LGI3: variants seen among roughly 807,000 people sequenced by gnomAD.
LGI3 encodes leucine rich repeat LGI family member 3, also known as leucine-rich repeat LGI family member 3.
Under a neutral mutation model 55.4 loss-of-function variants are expected in LGI3, and 47 were observed. The ratio of observed to expected loss-of-function variants is 0.85; its 90% CI spans 0.67 to 1.08. The LOEUF is 1.08. Ranked by LOEUF, LGI3 falls within the 50% of genes least tolerant of loss-of-function variation. The pLI, the probability that LGI3 is intolerant of heterozygous loss-of-function variation, is 0.00. For synonymous variants in LGI3, 326 were observed against 315.0 expected (o/e 1.04, Z -0.37); for missense variants, 664 against 726.3 (o/e 0.91, Z 0.99).
chr8:22,150,862 T>C (rs1238201506), intron 7 of LGI3, among the ~76,000 whole-genome samples: 1 of 151,772 alleles, frequency 6.6e-6, no homozygotes, highest in African/African-American at 2.4e-5. Flanking sequence ...GTCAATGACC[T>C]GGTACTCATC....
At chr8:22,155,910 G>C (rs148963970) in intron 1 of LGI3, among the ~76,000 whole-genome samples, 2 of 152,368 alleles carry the variant, frequency 1.3e-5, no homozygotes, top group Non-Finnish European at 2.9e-5. Flanking sequence ...TGAGTGCCAA[G>C]TGGCTGGTCA....
Position 22,148,786 on chromosome 8 carries a change from A to G in LGI3, c.1021T>C (p.Trp341Arg), listed in dbSNP as rs1232071581. 1 of 1,614,166 alleles carries G rather than the reference A, an allele frequency of 6.2e-7. No homozygotes were observed. Among genetic ancestry groups the G allele is most frequent in the Non-Finnish European group, 8.5e-7 (1 of 1,180,032 alleles). ...DLEAFRIDGD[W>R]YFAVADSSKA... is the part of the protein sequence containing the mutation. ...GAGCTGTCAGCCACGGCAAAGTACC[A>G]GTCACCGTCGATGCGGAAGGCTTCT... The change falls in exon 8 of 8, where the codon TGG (tryptophan) becomes CGG (arginine). Residue 341 changes from tryptophan (W) to arginine (R), a missense_variant. By Grantham distance (101) the Trp-to-Arg change is moderately radical. Coordinates refer to ENST00000306317, the MANE Select transcript of LGI3 (RefSeq NM_139278.4). This position sits in a 1 kb window ranked among gnomAD's most constrained non-coding sequence, Gnocchi z 7.0.
chr8:22,151,484 G>T lies in LGI3; in HGVS notation c.829+5C>A. The T allele has an allele frequency of 6.2e-7, 1 of 1,613,460 alleles. No homozygotes were observed. On this transcript the variant is annotated splice_donor_5th_base_variant and intron_variant, in intron 7 of 7. Coordinates refer to ENST00000306317, the MANE Select transcript of LGI3 (RefSeq NM_139278.4). ...GGCCAGCAGAACCAGATTGGGCGCAGGTACCTGGGATTCTATCATAGTCTC... is the reference window on the plus strand; with the variant it reads ...GGCCAGCAGAACCAGATTGGGCGCATGTACCTGGGATTCTATCATAGTCTC...
rs1827464745 is a variant in LGI3, at chr8:22,154,743, C to A, written c.279-112G>T. On this transcript the variant is annotated intron_variant, in intron 2 of 7. Coordinates refer to ENST00000306317, the MANE Select transcript of LGI3 (RefSeq NM_139278.4). ...CAAGACATGACTGCCCTGCTGCTAC[C>A]CCTGGGGACCCCATGGGGAATCCCT... The A allele has an allele frequency of 3.8e-6, 3 of 796,756 alleles. No individual in the cohort carries two copies. The South Asian group carries it at 4.4e-5, about 12-fold the overall frequency. 49.4% of individuals were successfully genotyped at this position (796,756 alleles called of 1,614,324 possible). A position where few individuals can be genotyped will look rare whatever the true frequency, so the allele number is the denominator to read the frequency against.
At chr8:22,152,117 C>T (rs975126606) in intron 5 of LGI3, 117 bp from the exon 6 acceptor site, 13 of 744,886 alleles carry the variant, frequency 1.7e-5, no homozygotes, top group Non-Finnish European at 2.8e-5. Context: ...GCAAGTTGCT[C>T]ACATGCATCT....
Position 22,147,961 on chromosome 8 carries a change from G to A in LGI3, c.*199C>T, listed in dbSNP as rs775607925. The A allele has an allele frequency of 3.6e-6, 2 of 558,542 alleles. No homozygotes were observed. Among genetic ancestry groups the A allele is most frequent in the Non-Finnish European group, 3.1e-6 (1 of 317,892 alleles). 34.6% of individuals were successfully genotyped at this position (558,542 alleles called of 1,614,324 possible). A position where few individuals can be genotyped will look rare whatever the true frequency, so the allele number is the denominator to read the frequency against. On this transcript the variant is annotated 3_prime_UTR_variant, in exon 8 of 8. Transcript: ENST00000306317. ...GTTAGGTGTCCCAGGGGTGCCTGGTGTTCATGCTGATTGCAGTGATGATGC... is the reference window on the plus strand; with the variant it reads ...GTTAGGTGTCCCAGGGGTGCCTGGTATTCATGCTGATTGCAGTGATGATGC...
Position 22,156,509 on chromosome 8 carries a change from GC to G in LGI3, c.33del (p.Pro12ArgfsTer58). ...AGCGCGGAGAGCGCCAGCAGCCCCG[GC>G]CCCGGGCCCCCCCTGGCCCGCAGCC... is the stretch of plus-strand genomic sequence containing the variant. Reference protein sequence around the residue: MAGLRARGGPGPGLLALSALG... With the variant: MAGLRARGGPXPGLLALSALG... On this transcript the variant is annotated frameshift_variant, in exon 1 of 8. Coordinates refer to ENST00000306317, the MANE Select transcript of LGI3 (RefSeq NM_139278.4). LOFTEE classifies it high-confidence loss of function. 2 of 1,398,170 alleles carry G rather than the reference GC, an allele frequency of 1.4e-6. No homozygotes were observed. Among genetic ancestry groups the G allele is most frequent in the Non-Finnish European group, 1.9e-6 (2 of 1,076,858 alleles). The allele number at this position is 1,398,170 out of a possible 1,614,324, so 86.6% of individuals were successfully genotyped here.
At position 22,148,128 on chromosome 8, in the gene LGI3, C is replaced by A; in HGVS notation, c.*32G>T. 6.6e-7 allele frequency: 1 copy of A among 1,526,334 alleles called. No individual in the cohort carries two copies. Among genetic ancestry groups the A allele is most frequent in the South Asian group, 1.3e-5 (1 of 77,410 alleles). 94.5% of individuals were successfully genotyped at this position (1,526,334 alleles called of 1,614,324 possible). On this transcript the variant is annotated 3_prime_UTR_variant, in exon 8 of 8. Transcript: ENST00000306317. This position sits in a 1 kb window ranked among gnomAD's most constrained non-coding sequence, Gnocchi z 7.0. ...AGGCCCCCACCCATCCTCCAGTGGC[C>A]ACCCTGAGGAGACCAGAGGCCTCGG...
In LGI3 at chr8:22,156,511, C is replaced by T; in HGVS notation, c.32G>A (p.Gly11Glu). 1 of 1,394,664 alleles carries T rather than the reference C, an allele frequency of 7.2e-7. No homozygotes were observed. The highest frequency in any genetic ancestry group is 9.3e-7 in the Non-Finnish European group (1 of 1,074,892). 86.4% of individuals were successfully genotyped at this position (1,394,664 alleles called of 1,614,324 possible). A position where few individuals can be genotyped will look rare whatever the true frequency, so the allele number is the denominator to read the frequency against. MAGLRARGGP[G>E]PGLLALSALG... ...CGCGGAGAGCGCCAGCAGCCCCGGC[C>T]CCGGGCCCCCCCTGGCCCGCAGCCC... Residue 11 changes from glycine (G) to glutamate (E), a missense_variant, in exon 1 of 8, where the codon GGG (glycine) becomes GAG (glutamate). Physicochemically the swap from Gly to Glu is moderately conservative, Grantham distance 98 (BLOSUM62 -2). Transcript: ENST00000306317.
At chr8:22,153,220 G>A (rs565021938) in intron 5 of LGI3, among the ~76,000 whole-genome samples, 2 of 151,290 alleles carry the variant, frequency 1.3e-5, no homozygotes, top group South Asian at 4.2e-4. Flanking sequence ...AAGTAGCCAG[G>A]ATTACAGGCG....
chr8:22,148,949 C>A lies in LGI3; in HGVS notation c.858G>T (p.Met286Ile). 6.2e-7 allele frequency: 1 copy of A among 1,612,992 alleles called. No homozygotes were observed. Among genetic ancestry groups the A allele is most frequent in the African/African-American group, 1.3e-5 (1 of 75,044 alleles). ...CCACGTACAGCTGGCTGTCCACCAC[C>A]ATCGGCTTGCAGTGCACTGCAGAGG... ...PAPSAVHCKP[M>I]VVDSQLYVVV... The change falls in exon 8 of 8, where the codon ATG becomes ATT. Residue 286 changes from methionine to isoleucine, a missense_variant. Coordinates refer to ENST00000306317, the MANE Select transcript of LGI3 (RefSeq NM_139278.4). The surrounding 1 kb of genome is among the most constrained non-coding windows in gnomAD (Gnocchi z 7.0).
chr8:22,149,043 G>T, intron 7 of LGI3, 66 bp from the exon 8 acceptor site: 1 of 1,194,740 alleles, frequency 8.4e-7, no homozygotes, highest in Non-Finnish European at 1.2e-6. Flanking sequence ...CAACCCCCTT[G>T]GAGAAGGCCA....
At chr8:22,156,144 T>C (rs1017194433) in intron 1 of LGI3, among the ~76,000 whole-genome samples, 193 bp downstream of exon 1, 5 of 152,180 alleles carry the variant, frequency 3.3e-5, no homozygotes, top group Non-Finnish European at 7.4e-5. Flanking sequence ...TCCCCACCCA[T>C]GGCCGCTGAG....
chr8:22,151,718 T>C (rs1827380851), intron 6 of LGI3, 65 bp from the exon 7 acceptor site: 1 of 1,583,374 alleles, frequency 6.3e-7, no homozygotes, highest in Non-Finnish European at 8.6e-7. Context: ...TGGGTGATGG[T>C]GGTTGCTTTA....
Position 22,154,168 on chromosome 8 carries a change from G to A in LGI3, c.396C>T (p.Phe132=), listed in dbSNP as rs1563211568. 1.2e-6 allele frequency: 2 copies of A among 1,614,148 alleles called. No individual in the cohort carries two copies. The highest frequency in any genetic ancestry group is 8.5e-7 in the Non-Finnish European group (1 of 1,180,010). ...NDIWALSKFT[F]RGLKSLTHLS... is the part of the protein sequence containing the mutation. ...GGTGAGTCAAGGACTTGAGTCCTCG[G>A]AAGGTGAACTTGGATAGTGCCCAGA... Residue 132 remains phenylalanine, a synonymous_variant, in exon 4 of 8, where the codon TTC becomes TTT. Transcript: ENST00000306317.
At chr8:22,151,762 GGGTTTCGTGT>G in intron 6 of LGI3, 59 bp downstream of exon 6, 1 of 1,566,812 alleles carries the variant, frequency 6.4e-7, no homozygotes, top group Non-Finnish European at 8.7e-7. Context: ...GCAGGGTGGG[GGGTTTCGTGT>G]CTGTAAAGCT....
rs762190562 is a variant in LGI3 at position 22,148,715 on chromosome 8, G to T, written c.1092C>A (p.Phe364Leu). The T allele has an allele frequency of 6.2e-7, 1 of 1,614,176 alleles. No homozygotes were observed. The highest frequency in any genetic ancestry group is 8.5e-7 in the Non-Finnish European group (1 of 1,180,022). Residue 364 changes from phenylalanine (F) to leucine (L), a missense_variant, in exon 8 of 8, where the codon TTC (phenylalanine) becomes TTA (leucine). Phe to Leu is a conservative substitution (Grantham distance 22, BLOSUM62 0). Transcript: ENST00000306317. The surrounding 1 kb of genome is among the most constrained non-coding windows in gnomAD (Gnocchi z 7.0). ...TSLYRWHQNGFYSHQALHPWH... is the reference protein window; with the variant it reads ...TSLYRWHQNGLYSHQALHPWH... ...AGGGGTGCAGTGCCTGGTGGGAGTA[G>T]AAGCCATTCTGGTGCCAGCGGTAGA...
At chr8:22,151,741 G>C in intron 6 of LGI3, 88 bp from the exon 7 acceptor site, 1 of 1,565,458 alleles carries the variant, frequency 6.4e-7, no homozygotes, top group Non-Finnish European at 8.7e-7. Context: ...GCTGCCGCTG[G>C]GTGTTGTGGG....
intron 7 of LGI3, among the ~76,000 whole-genome samples, chr8:22,149,403 C>G (rs1434933992): frequency 2.6e-5 from 4 of 152,242 alleles, no homozygotes; most frequent in Middle Eastern, 3.4e-3. Flanking sequence ...AACTGAGGCT[C>G]AGAGAGAGCA....
Sources: allele counts gnomAD v4.1 joint callset (sites outside exome capture counted in the v4.1 genomes callset), GRCh38; gene constraint gnomAD v4.1.1; non-coding constraint Gnocchi (gnomAD v3.1); transcripts MANE v1.5; gene names NCBI Gene and HGNC (gene_info 2026-07-23, HGNC 2026-07-21).